Variants in TRAPPC10 observed in about 807,000 individuals in gnomAD.
The protein encoded by TRAPPC10 is trafficking protein particle complex subunit 10.
TRAPPC10 carries 23 observed loss-of-function variants against 125.5 expected under a neutral mutation model. The ratio of observed to expected loss-of-function variants is 0.18; its 90% CI spans 0.13 to 0.26. The LOEUF (loss-of-function observed/expected upper bound fraction) is 0.26. Among genes scored for constraint, TRAPPC10 ranks in the 10% least tolerant of loss-of-function variants. The pLI is 1.00. For missense variants in TRAPPC10, 1,123 were observed against 1,308.4 expected (o/e 0.86, Z 2.19); for synonymous variants, 509 against 518.0 (o/e 0.98, Z 0.24).
chr21:44,042,692 G>C lies in TRAPPC10; in HGVS notation c.285+4765G>C, dbSNP rs193059188. Reference sequence around the variant, plus strand: ...TTTATATTTTGAATTTTGTCCATTTGACCTATCTTTAACTGACAGTGGTAT... The same window carrying C: ...TTTATATTTTGAATTTTGTCCATTTCACCTATCTTTAACTGACAGTGGTAT... On this transcript the variant is annotated intron_variant, in intron 3 of 22. Coordinates refer to ENST00000291574, the MANE Select transcript of TRAPPC10 (RefSeq NM_003274.5). 2.8e-3 allele frequency among the ~76,000 whole-genome samples: 429 copies of C among 152,176 alleles called. 2 individuals are homozygous for C. The highest frequency in any genetic ancestry group is 0.01 in the African/African-American group (420 of 41,522).
At chr21:44,047,928 A>G (rs1481670845) in intron 3 of TRAPPC10, among the ~76,000 whole-genome samples, 3 of 152,042 alleles carry the variant, frequency 2.0e-5, no homozygotes, top group Non-Finnish European at 2.9e-5. Flanking sequence ...CTATTGATTG[A>G]TTTTTCCTTT....
In TRAPPC10 at chr21:44,063,887, G is replaced by T; in HGVS notation, c.1038+102G>T. On this transcript the variant is annotated intron_variant, in intron 7 of 22. Transcript: ENST00000291574. This position sits in a 1 kb window ranked among gnomAD's most constrained non-coding sequence, Gnocchi z 4.4. ...ATTGAACTGTTTGTGCTTAAGAAAG[G>T]GTTTTCTTTTCTGAATGCCTTTAAT... 1 of 1,467,632 alleles carries T rather than the reference G, an allele frequency of 6.8e-7. No homozygotes were observed. The highest frequency in any genetic ancestry group is 1.4e-5 in the South Asian group (1 of 72,674). The allele number at this position is 1,467,632 out of a possible 1,614,324, so 90.9% of individuals were successfully genotyped here.
rs1601596387 is a variant in TRAPPC10, at chr21:44,032,428, GCTGGA to G, written c.149+257_149+261del. Among the ~76,000 whole-genome samples the G allele has an allele frequency of 4.1e-5, 6 of 147,072 alleles. No individual in the cohort carries two copies. In the East Asian group the frequency reaches 1.2e-3, roughly 29 times the overall value. Reference sequence around the variant, plus strand: ...GACAGAGTCTCGTTCTGTCGCCCAGGCTGGAGTGCAGTAGCGCAATCTCGGCTCAC... The same window carrying G: ...GACAGAGTCTCGTTCTGTCGCCCAGGGTGCAGTAGCGCAATCTCGGCTCAC... On this transcript the variant is annotated intron_variant, in intron 2 of 22. Coordinates refer to ENST00000291574, the MANE Select transcript of TRAPPC10 (RefSeq NM_003274.5).
Position 44,087,112 on chromosome 21 carries a change from C to G in TRAPPC10, c.2539+152C>G. On this transcript the variant is annotated intron_variant, in intron 16 of 22. Transcript: ENST00000291574. The surrounding 1 kb of genome is among the most constrained non-coding windows in gnomAD (Gnocchi z 4.6). ...TCCATAGGAGCCCTGCGGCCTGATG[C>G]CTGTGCTGGGGTCCCATCTGAGGTG... 1.2e-6 allele frequency: 1 copy of G among 858,796 alleles called. No homozygotes were observed. Among genetic ancestry groups the G allele is most frequent in the Non-Finnish European group, 1.8e-6 (1 of 567,314 alleles). The allele number at this position is 858,796 out of a possible 1,614,324, so 53.2% of individuals were successfully genotyped here.
intron 5 of TRAPPC10, 104 bp from the exon 6 acceptor site, chr21:44,058,999 A>G (rs775119242): frequency 3.9e-6 from 3 of 761,522 alleles, no homozygotes; most frequent in Middle Eastern, 3.9e-4. Flanking sequence ...GACATTATTC[A>G]TAGTGCTGCG....
Position 44,059,308 on chromosome 21 carries a change from G to GT in TRAPPC10, c.790+95dup. ...AAGCAGCCATTTATTTACCTCAGGA[G>GT]TACGCATGTTTTGTTGTTGTCTTTA... On this transcript the variant is annotated intron_variant, in intron 6 of 22. Transcript: ENST00000291574. The surrounding 1 kb of genome is among the most constrained non-coding windows in gnomAD (Gnocchi z 4.4). 2.4e-6 allele frequency: 2 copies of GT among 837,358 alleles called. No homozygotes were observed. The highest frequency in any genetic ancestry group is 3.3e-5 in the South Asian group (2 of 60,640). 51.9% of individuals were successfully genotyped at this position (837,358 alleles called of 1,614,324 possible).
intron 1 of TRAPPC10, among the ~76,000 whole-genome samples, chr21:44,021,219 G>A (rs527862264): frequency 1.3e-5 from 2 of 152,286 alleles, no homozygotes; most frequent in South Asian, 4.1e-4. Flanking sequence ...GGAGTATGGA[G>A]GAGTTGGGCT....
intron 4 of TRAPPC10, 71 bp downstream of exon 4, chr21:44,052,547 A>T: frequency 7.1e-7 from 1 of 1,401,850 alleles, no homozygotes; most frequent in Non-Finnish European, 9.7e-7. Flanking sequence ...CTTCCTGGGT[A>T]GTAATAAATA....
intron 9 of TRAPPC10, among the ~76,000 whole-genome samples, chr21:44,075,880 T>C (rs1487805337): frequency 6.6e-6 from 1 of 152,120 alleles, no homozygotes; most frequent in Admixed American, 6.5e-5. Context: ...AGAAACCCCA[T>C]CTCTACTAAA....
At chr21:44,045,389 T>C (rs948280481) in intron 3 of TRAPPC10, among the ~76,000 whole-genome samples, 2 of 152,206 alleles carry the variant, frequency 1.3e-5, no homozygotes, top group Non-Finnish European at 2.9e-5. Flanking sequence ...TGCCTTAATT[T>C]TTGAAAAATA....
At chr21:44,081,078 C>T (rs191207218) in intron 13 of TRAPPC10, among the ~76,000 whole-genome samples, 13 of 142,712 alleles carry the variant, frequency 9.1e-5, no homozygotes, top group African/African-American at 2.6e-4. Context: ...TGCAGTGGCA[C>T]GATCCCAGCT....
At chr21:44,029,432 C>T (rs2033379049) in intron 1 of TRAPPC10, among the ~76,000 whole-genome samples, 1 of 152,210 alleles carries the variant, frequency 6.6e-6, no homozygotes, top group Non-Finnish European at 1.5e-5. Context: ...CTCCATACCC[C>T]ATTTTCAAAG....
Position 44,087,005 on chromosome 21 carries a change from C to T in TRAPPC10, c.2539+45C>T. On this transcript the variant is annotated intron_variant, in intron 16 of 22. Coordinates refer to ENST00000291574, the MANE Select transcript of TRAPPC10 (RefSeq NM_003274.5). The surrounding 1 kb of genome is among the most constrained non-coding windows in gnomAD (Gnocchi z 4.6). ...GGCCCAAGGAGGATGCCCACCTTGC[C>T]CTGCACTGTGTGGGTGTGAGGGTGA... 1 of 1,603,504 alleles carries T rather than the reference C, an allele frequency of 6.2e-7. No individual in the cohort carries two copies. The highest frequency in any genetic ancestry group is 8.5e-7 in the Non-Finnish European group (1 of 1,173,384).
At chr21:44,072,349 C>T (rs1458967207) in intron 7 of TRAPPC10, among the ~76,000 whole-genome samples, 1 of 152,188 alleles carries the variant, frequency 6.6e-6, no homozygotes, top group African/African-American at 2.4e-5. Flanking sequence ...CGTCCTCTGC[C>T]GCGGCTCCGC....
intron 13 of TRAPPC10, among the ~76,000 whole-genome samples, chr21:44,081,005 C>CTTTTTTTTTTGTTT (rs2037673502): frequency 9.6e-6 from 1 of 103,870 alleles, no homozygotes; most frequent in South Asian, 2.8e-4. Context: ...TATTATTGTT[C>CTTTTTTTTTTGTTT]TTTTTTTTTT....
At chr21:44,013,091 C>T (rs926243583) in intron 1 of TRAPPC10, among the ~76,000 whole-genome samples, 16 of 152,208 alleles carry the variant, frequency 1.1e-4, no homozygotes, top group African/African-American at 3.4e-4. Flanking sequence ...CACACTTCCC[C>T]GCCGCGCACT....
At chr21:44,057,527 G>A (rs776782396) in intron 5 of TRAPPC10, among the ~76,000 whole-genome samples, 10 of 152,028 alleles carry the variant, frequency 6.6e-5, no homozygotes, top group Non-Finnish European at 1.3e-4. Flanking sequence ...CAAACTCCTG[G>A]CCTCAAGTGA....
Position 44,076,538 on chromosome 21 carries a change from T to A in TRAPPC10, c.1301-14T>A. On this transcript the variant is annotated splice_polypyrimidine_tract_variant and intron_variant, in intron 9 of 22. Coordinates refer to ENST00000291574, the MANE Select transcript of TRAPPC10 (RefSeq NM_003274.5). ...ATGAAGATGAAGAGGGACTCTCGTT[T>A]CTTTCTGTTTAAGCCAACACAGCTC... 2 of 1,610,444 alleles carry A rather than the reference T, an allele frequency of 1.2e-6. No individual in the cohort carries two copies. Among genetic ancestry groups the A allele is most frequent in the Non-Finnish European group, 1.7e-6 (2 of 1,176,718 alleles).
chr21:44,015,758 G>C (rs1053434734), intron 1 of TRAPPC10, among the ~76,000 whole-genome samples: 2 of 152,080 alleles, frequency 1.3e-5, no homozygotes, highest in Non-Finnish European at 2.9e-5. Flanking sequence ...GGGATTACAG[G>C]CGTACACCAC....
Sources: gnomAD v4.1 joint callset for allele counts (sites outside exome capture counted in the v4.1 genomes callset) on GRCh38, gnomAD v4.1.1 for gene constraint, Gnocchi (gnomAD v3.1) non-coding constraint, MANE v1.5 for transcripts, NCBI Gene and HGNC (gene_info 2026-07-23, HGNC 2026-07-21) for gene names.